PPP3CA: variants seen among roughly 807,000 people sequenced by gnomAD.
PPP3CA encodes protein phosphatase 3 catalytic subunit alpha.
A neutral mutation model predicts 66.5 loss-of-function variants in PPP3CA; 14 were observed. The ratio of observed to expected loss-of-function variants is 0.21; its 90% CI spans 0.14 to 0.33. The LOEUF is 0.33. Ranked by LOEUF, PPP3CA falls within the 10% of genes least tolerant of loss-of-function variation. The pLI is 1.00. For synonymous variants in PPP3CA, 232 were observed against 226.2 expected (o/e 1.03, Z -0.23); for missense variants, 317 against 639.5 (o/e 0.50, Z 5.44).
intron 1 of PPP3CA, among the ~76,000 whole-genome samples, chr4:101,269,911 A>G (rs1727284606): frequency 6.6e-6 from 1 of 152,246 alleles, no homozygotes; most frequent in African/African-American, 2.4e-5. Flanking sequence ...ACATGTGAAC[A>G]TTTCATAAAA....
At position 101,144,344 on chromosome 4, in the gene PPP3CA, C is replaced by T. The variant is rs544891153; in HGVS notation, c.260-35266G>A. Among the ~76,000 whole-genome samples the T allele has an allele frequency of 2.0e-5, 3 of 152,292 alleles. No homozygotes were observed. The Middle Eastern group carries it at 0.01, about 518-fold the overall frequency. Reference sequence around the variant, plus strand: ...TAGGGGACTTTCCTTGACAAACTCTCCAATCTCTCTCCTGGCACATTCCCT... The same window carrying T: ...TAGGGGACTTTCCTTGACAAACTCTTCAATCTCTCTCCTGGCACATTCCCT... On this transcript the variant is annotated intron_variant, in intron 2 of 13. Coordinates refer to ENST00000394854, the MANE Select transcript of PPP3CA (RefSeq NM_000944.5).
chr4:101,075,805 CTCTTT>C lies in PPP3CA; in HGVS notation c.955+4722_955+4726del, dbSNP rs551270803. ...TAATTTTCACTCTCATATCACACCACTCTTTTCTTTGTTGCTTTTTCCAAATACAT... is the reference window on the plus strand; with the variant it reads ...TAATTTTCACTCTCATATCACACCACTCTTTGTTGCTTTTTCCAAATACAT... On this transcript the variant is annotated intron_variant, in intron 8 of 13. Transcript: ENST00000394854. Among the ~76,000 whole-genome samples the C allele has an allele frequency of 5.9e-3, 900 of 152,284 alleles. 10 individuals are homozygous for C. Among genetic ancestry groups the C allele is most frequent in the African/African-American group, 0.02 (845 of 41,566 alleles).
At chr4:101,087,563 C>T (rs1729725032) in intron 6 of PPP3CA, among the ~76,000 whole-genome samples, 1 of 152,114 alleles carries the variant, frequency 6.6e-6, no homozygotes, top group African/African-American at 2.4e-5. Flanking sequence ...TCAGTGGAAT[C>T]ATACAGTATC....
intron 1 of PPP3CA, among the ~76,000 whole-genome samples, chr4:101,205,736 C>T (rs1394955175): frequency 4.6e-5 from 7 of 152,176 alleles, no homozygotes; most frequent in Admixed American, 3.9e-4. Context: ...TTGACTTTCT[C>T]TTCTTTCAAA....
Position 101,217,257 on chromosome 4 carries a change from C to A in PPP3CA, c.59-21141G>T, listed in dbSNP as rs1158115012. On this transcript the variant is annotated intron_variant, in intron 1 of 13. Coordinates refer to ENST00000394854, the MANE Select transcript of PPP3CA (RefSeq NM_000944.5). ...CATGTAAAATAAGTGTTTATTGTTC[C>A]TGTTTGACAGATTAAGAAAAAGAGG... Among the ~76,000 whole-genome samples the A allele has an allele frequency of 2.0e-5, 3 of 152,050 alleles. 1 individual carries two copies. The highest frequency in any genetic ancestry group is 4.4e-5 in the Non-Finnish European group (3 of 68,012).
At chr4:101,167,196 T>A (rs1163028923) in intron 2 of PPP3CA, among the ~76,000 whole-genome samples, 1 of 152,122 alleles carries the variant, frequency 6.6e-6, no homozygotes, top group Non-Finnish European at 1.5e-5. Flanking sequence ...GGGGAGATAA[T>A]CTTTAGACAG....
chr4:101,190,719 T>C (rs1724572176), intron 2 of PPP3CA, among the ~76,000 whole-genome samples: 1 of 151,822 alleles, frequency 6.6e-6, no homozygotes, highest in Non-Finnish European at 1.5e-5. Context: ...ACTACGAATG[T>C]TTTTTTCTGG....
At chr4:101,029,367 A>G (rs1578385873) in intron 12 of PPP3CA, among the ~76,000 whole-genome samples, 172 bp from the exon 13 acceptor site, 2 of 104,284 alleles carry the variant, frequency 1.9e-5, no homozygotes, top group Non-Finnish European at 4.6e-5. Context: ...AAAAAAAAAA[A>G]AAAAAGAAAA....
At chr4:101,042,012 G>T (rs1326002811) in intron 10 of PPP3CA, among the ~76,000 whole-genome samples, 1 of 151,838 alleles carries the variant, frequency 6.6e-6, no homozygotes, top group East Asian at 1.9e-4. Context: ...TCACAGAAGG[G>T]TTTTGAAAAA....
rs748541041 is a variant in PPP3CA, at chr4:101,032,368, G to C, written c.1242-4C>G. On this transcript the variant is annotated splice_polypyrimidine_tract_variant and splice_region_variant and intron_variant, in intron 11 of 13. Transcript: ENST00000394854. ...CAGCACACTCTCACTCTCTTCTCTG[G>C]AAGGCACAATGAGGGGCGACATTAA... is the stretch of plus-strand genomic sequence containing the variant. 1 of 1,610,686 alleles carries C rather than the reference G, an allele frequency of 6.2e-7. No individual in the cohort carries two copies. Among genetic ancestry groups the C allele is most frequent in the South Asian group, 1.1e-5 (1 of 90,560 alleles).
At chr4:101,031,490 G>A (rs1022114270) in intron 12 of PPP3CA, among the ~76,000 whole-genome samples, 4 of 152,030 alleles carry the variant, frequency 2.6e-5, no homozygotes, top group African/African-American at 9.7e-5. Context: ...CTGCTAACAT[G>A]GTAGCCACTA....
At chr4:101,220,079 A>T (rs184705693) in intron 1 of PPP3CA, among the ~76,000 whole-genome samples, 1 of 151,986 alleles carries the variant, frequency 6.6e-6, no homozygotes, top group African/African-American at 2.4e-5. Flanking sequence ...AGTGTAAAAC[A>T]GATGATCACA....
At chr4:101,195,796 C>G (rs1724770684) in intron 2 of PPP3CA, 120 bp downstream of exon 2, 1 of 754,488 alleles carries the variant, frequency 1.3e-6, no homozygotes, top group Non-Finnish European at 2.2e-6. Flanking sequence ...ATAGATTCAA[C>G]AGTAAAAGAT....
At chr4:101,278,131 AAAAAAAAAT>A (rs1443491459) in intron 1 of PPP3CA, among the ~76,000 whole-genome samples, 5 of 144,658 alleles carry the variant, frequency 3.5e-5, no homozygotes, top group South Asian at 2.1e-4. Flanking sequence ...GTAAAAAAAA[AAAAAAAAAT>A]AAAAAAATTA....
intron 1 of PPP3CA, among the ~76,000 whole-genome samples, chr4:101,294,290 G>C (rs1438339682): frequency 6.6e-6 from 1 of 152,194 alleles, no homozygotes. Context: ...GGGACTCCAA[G>C]CATTCATCTT....
rs1306004081 is a variant in PPP3CA, at chr4:101,024,826, G to C, written c.*1039C>G. 2 of 152,122 alleles carry C rather than the reference G, an allele frequency of 1.3e-5. No homozygotes were observed. Among genetic ancestry groups the C allele is most frequent in the African/African-American group, 4.8e-5 (2 of 41,242 alleles). The allele number at this position is 152,122 out of a possible 1,614,324, so 9.4% of individuals were successfully genotyped here. On this transcript the variant is annotated 3_prime_UTR_variant, in exon 14 of 14. Coordinates refer to ENST00000394854, the MANE Select transcript of PPP3CA (RefSeq NM_000944.5). Reference sequence around the variant, plus strand: ...TTTCAAAGGCATTAAGCATTTTAGAGAATATAAAGTACGCCAGTATACATA... The same window carrying C: ...TTTCAAAGGCATTAAGCATTTTAGACAATATAAAGTACGCCAGTATACATA...
chr4:101,313,899 C>T (rs889079461), intron 1 of PPP3CA, among the ~76,000 whole-genome samples: 1 of 152,126 alleles, frequency 6.6e-6, no homozygotes, highest in Non-Finnish European at 1.5e-5. Flanking sequence ...TTAACCCCAG[C>T]TGATTAGTGA....
At chr4:101,325,116 CTAATT>C (rs1441404730) in intron 1 of PPP3CA, among the ~76,000 whole-genome samples, 2 of 152,134 alleles carry the variant, frequency 1.3e-5, no homozygotes, top group Non-Finnish European at 2.9e-5. Flanking sequence ...CCTAGATAGT[CTAATT>C]TAATTGTTCA....
chr4:101,132,963 A>T (rs1578479816), intron 2 of PPP3CA, among the ~76,000 whole-genome samples: 1 of 152,330 alleles, frequency 6.6e-6, no homozygotes. Context: ...ACCAATAAAC[A>T]TAATCCATCA....
Sources: gnomAD v4.1 joint callset for allele counts (sites outside exome capture counted in the v4.1 genomes callset) on GRCh38, gnomAD v4.1.1 for gene constraint, MANE v1.5 for transcripts, NCBI Gene and HGNC (gene_info 2026-07-23, HGNC 2026-07-21) for gene names.